Variants in MTUS1 observed in about 807,000 individuals in gnomAD.
MTUS1 encodes microtubule-associated tumor suppressor 1.
A neutral mutation model predicts 120.8 loss-of-function variants in MTUS1; 109 were observed. That is an observed-to-expected ratio of 0.90 (90% CI 0.77 to 1.06). The LOEUF (loss-of-function observed/expected upper bound fraction) is 1.06. MTUS1 is among the 50% of genes least tolerant of loss of function. The probability of loss-of-function intolerance (pLI) is 0.00; values close to 1 mark genes in which losing one functional copy is unlikely to be tolerated. For synonymous variants in MTUS1, 737 were observed against 550.5 expected, an observed-to-expected ratio of 1.34 and a Z score of -4.74; for missense variants, 2,210 against 1,486.3, an observed-to-expected ratio of 1.49 and a Z score of -8.01.
intron 12 of MTUS1, 22 bp downstream of exon 12, chr8:17,653,164 T>A (rs1347284340): frequency 7.2e-7 from 1 of 1,382,198 alleles, no homozygotes. Flanking sequence ...TCCATACTGA[T>A]AAAGGAGCAC....
At chr8:17,777,816 GTA>G (rs1394810691) in intron 1 of MTUS1, among the ~76,000 whole-genome samples, 13 of 152,196 alleles carry the variant, frequency 8.5e-5, no homozygotes, top group Admixed American at 8.5e-4. Context: ...CAGATTTTCA[GTA>G]TATTTTCCAC....
intron 1 of MTUS1, among the ~76,000 whole-genome samples, chr8:17,787,563 G>A (rs1372726001): frequency 1.3e-5 from 2 of 152,126 alleles, no homozygotes; most frequent in Admixed American, 6.6e-5. Context: ...AGAAGCATAC[G>A]TTTATCAAGG....
intron 7 of MTUS1, chr8:17,676,014 C>CT (rs1813029314): frequency 5.8e-6 from 3 of 513,558 alleles, no homozygotes; most frequent in Non-Finnish European, 1.0e-5. Flanking sequence ...CATACAGTTC[C>CT]TTAAAAGGTA....
intron 6 of MTUS1, 76 bp downstream of exon 6, chr8:17,713,138 A>G (rs1461546541): frequency 3.3e-6 from 4 of 1,204,864 alleles, no homozygotes; most frequent in Non-Finnish European, 4.8e-6. Flanking sequence ...CCAGTAAAAA[A>G]TCACTGTAAA....
chr8:17,663,143 C>G (rs1323238074), intron 8 of MTUS1, among the ~76,000 whole-genome samples: 3 of 152,178 alleles, frequency 2.0e-5, no homozygotes, highest in Non-Finnish European at 4.4e-5. Context: ...ATGCCCAGTG[C>G]CACAGTCAAA....
intron 1 of MTUS1, among the ~76,000 whole-genome samples, chr8:17,781,145 T>C (rs1415085166): frequency 6.6e-6 from 1 of 152,154 alleles, no homozygotes; most frequent in Non-Finnish European, 1.5e-5. Flanking sequence ...GCACAACTTC[T>C]CAAGTGATCT....
intron 8 of MTUS1, among the ~76,000 whole-genome samples, chr8:17,667,198 G>A (rs1042456523): frequency 6.6e-6 from 1 of 152,202 alleles, no homozygotes; most frequent in African/African-American, 2.4e-5. Flanking sequence ...GAGGGCAGAT[G>A]TGGATAGGAA....
Position 17,653,278 on chromosome 8 carries a change from G to T in MTUS1, c.3292C>A (p.Gln1098Lys). 1.9e-6 allele frequency: 3 copies of T among 1,545,098 alleles called. No homozygotes were observed. The highest frequency in any genetic ancestry group is 2.6e-6 in the Non-Finnish European group (3 of 1,147,282). The stretch of plus-strand genomic sequence containing the variant: ...TTTTCACTCTTCAGATCATTGATTT[G>T]CTTCTAAAACACAATGAAATGTGGA... Reference protein sequence around the residue: ...LSEKQESLEKQINDLKSENDA... With the variant: ...LSEKQESLEKKINDLKSENDA... Residue 1098 changes from glutamine (Q) to lysine (K), a missense_variant, in exon 12 of 15, where the codon CAA becomes AAA. By Grantham distance (53) the Gln-to-Lys change is moderately conservative. Coordinates refer to ENST00000693296, the MANE Select transcript of MTUS1 (RefSeq NM_001363059.2).
chr8:17,800,391 A>T (rs2052586641), intron 1 of MTUS1, among the ~76,000 whole-genome samples: 1 of 152,184 alleles, frequency 6.6e-6, no homozygotes, highest in Admixed American at 6.5e-5. Context: ...TAGAACACTG[A>T]CTACTTCAAA....
At chr8:17,721,597 C>T in intron 4 of MTUS1, 1 of 1,270,344 alleles carries the variant, frequency 7.9e-7, no homozygotes, top group Non-Finnish European at 1.1e-6. Flanking sequence ...CCAAATACTA[C>T]CATTACCATA....
chr8:17,727,158 T>C (rs1409399984), intron 3 of MTUS1, among the ~76,000 whole-genome samples: 1 of 152,226 alleles, frequency 6.6e-6, no homozygotes, highest in Non-Finnish European at 1.5e-5. Context: ...AATTCCACCA[T>C]GGCTCTTGAC....
intron 3 of MTUS1, among the ~76,000 whole-genome samples, chr8:17,742,263 C>A (rs1434639471): frequency 4.8e-5 from 7 of 146,382 alleles, no homozygotes; most frequent in Admixed American, 4.0e-4. Flanking sequence ...GCTCTCATGC[C>A]CAGCTGTTTT....
intron 8 of MTUS1, among the ~76,000 whole-genome samples, chr8:17,657,461 G>C (rs1309093052): frequency 6.7e-6 from 1 of 150,028 alleles, no homozygotes; most frequent in Admixed American, 6.6e-5. Flanking sequence ...CCAGCTACTT[G>C]GGAGGCTGAG....
In MTUS1 at chr8:17,755,391, C is replaced by A. The variant is rs199854201; in HGVS notation, c.417G>T (p.Val139=). 1.2e-6 allele frequency: 2 copies of A among 1,614,170 alleles called. No individual in the cohort carries two copies. The highest frequency in any genetic ancestry group is 2.2e-5 in the East Asian group (1 of 44,874). The change falls in exon 2 of 15, where the codon GTG becomes GTT. Residue 139 remains valine, a synonymous_variant. Coordinates refer to ENST00000693296, the MANE Select transcript of MTUS1 (RefSeq NM_001363059.2). The part of the protein sequence containing the change: ...GQSVEPSLPF[V]WKPNDNLNCA... The stretch of plus-strand genomic sequence containing the variant: ...AGTTCAAATTGTCATTAGGCTTCCA[C>A]ACAAAAGGCAAAGATGGCTCAACAC...
At chr8:17,768,102 C>T (rs779787444) in intron 1 of MTUS1, among the ~76,000 whole-genome samples, 4 of 152,202 alleles carry the variant, frequency 2.6e-5, no homozygotes, top group Admixed American at 6.5e-5. Flanking sequence ...TAAAAGACTA[C>T]TTCACTTACA....
intron 2 of MTUS1, among the ~76,000 whole-genome samples, chr8:17,744,516 G>GT (rs1459093008): frequency 1.3e-5 from 2 of 152,046 alleles, no homozygotes; most frequent in African/African-American, 4.8e-5. Context: ...TGCCTCCCGG[G>GT]TTCAAGTGAT....
In MTUS1 at chr8:17,685,080, A is replaced by G. The variant is rs139376978; in HGVS notation, c.2624-538T>C. On this transcript the variant is annotated intron_variant, in intron 6 of 14. Coordinates refer to ENST00000693296, the MANE Select transcript of MTUS1 (RefSeq NM_001363059.2). ...CCTAATCTCTAATAAATCATAACAT[A>G]CATCGAAAATATACTCAGATTTTGC... 7.0e-3 allele frequency among the ~76,000 whole-genome samples: 1,067 copies of G among 152,286 alleles called. 2 individuals carry two copies. Among genetic ancestry groups the G allele is most frequent in the Non-Finnish European group, 0.011 (762 of 68,012 alleles).
At chr8:17,769,515 T>C (rs1261225073) in intron 1 of MTUS1, among the ~76,000 whole-genome samples, 1 of 150,644 alleles carries the variant, frequency 6.6e-6, no homozygotes, top group Non-Finnish European at 1.5e-5. Flanking sequence ...GCCCAGATAA[T>C]TTTTTGTATT....
chr8:17,779,788 G>T (rs555387367), intron 1 of MTUS1, among the ~76,000 whole-genome samples: 2 of 152,176 alleles, frequency 1.3e-5, no homozygotes, highest in East Asian at 1.9e-4. Flanking sequence ...GTGTTGGAGG[G>T]GGGGCGGGGG....
Sources: gnomAD v4.1 joint callset for allele counts (sites outside exome capture counted in the v4.1 genomes callset) on GRCh38, gnomAD v4.1.1 for gene constraint, MANE v1.5 for transcripts, NCBI Gene and HGNC (gene_info 2026-07-23, HGNC 2026-07-21) for gene names.